Variants in CD96 observed in about 807,000 individuals in gnomAD.
CD96 encodes CD96 molecule, also known as T-cell surface protein tactile.
In CD96, 70 loss-of-function variants were observed where a neutral mutation model predicts 71.3. The ratio of observed to expected loss-of-function variants is 0.98; its 90% CI spans 0.81 to 1.20. The LOEUF is 1.20. CD96 is among the 50% of genes most tolerant of loss of function. CD96 has a pLI of 0.00. For synonymous variants in CD96, 248 were observed against 233.0 expected, an observed-to-expected ratio of 1.06 and a Z score of -0.59; for missense variants, 742 against 677.5, an observed-to-expected ratio of 1.10 and a Z score of -1.06.
chr3:111,569,173 G>T (rs1935858087), intron 3 of CD96, among the ~76,000 whole-genome samples: 1 of 152,078 alleles, frequency 6.6e-6, no homozygotes, highest in African/African-American at 2.4e-5. Context: ...ATTTCCTTGG[G>T]TTTGTGCCAA....
At chr3:111,610,909 A>C (rs1428857073) in intron 8 of CD96, among the ~76,000 whole-genome samples, 1 of 152,224 alleles carries the variant, frequency 6.6e-6, no homozygotes, top group Non-Finnish European at 1.5e-5. Context: ...CAAGACACTT[A>C]TTCATGAAAC....
intron 3 of CD96, among the ~76,000 whole-genome samples, chr3:111,572,401 C>A (rs1331574511): frequency 6.6e-6 from 1 of 152,236 alleles, no homozygotes; most frequent in South Asian, 2.1e-4. Flanking sequence ...ACTGGTGCCA[C>A]TGGCAACACT....
chr3:111,621,392 T>C (rs1938512481), intron 8 of CD96, among the ~76,000 whole-genome samples: 2 of 152,226 alleles, frequency 1.3e-5, no homozygotes, highest in African/African-American at 4.8e-5. Context: ...ACCATCTTTA[T>C]TCATTAGGAA....
Position 111,650,095 on chromosome 3 carries a change from C to T in CD96, c.*289C>T. On this transcript the variant is annotated 3_prime_UTR_variant, in exon 14 of 14. Transcript: ENST00000352690. ...AGTCTGCCATCTTTAAAAAAAAATA[C>T]AGTATTTTCATTTAAATTCTCTGAT... 2.5e-6 allele frequency: 1 copy of T among 397,548 alleles called. No homozygotes were observed. Among genetic ancestry groups the T allele is most frequent in the Admixed American group, 3.6e-5 (1 of 27,600 alleles). The allele number at this position is 397,548 out of a possible 1,614,324, so 24.6% of individuals were successfully genotyped here.
intron 2 of CD96, among the ~76,000 whole-genome samples, chr3:111,557,561 C>G (rs1226630830): frequency 2.4e-5 from 3 of 126,038 alleles, no homozygotes; most frequent in Non-Finnish European, 3.3e-5. Context: ...TTCCATTGAT[C>G]TATATCTCTG....
At chr3:111,565,723 G>A (rs1275712572) in intron 2 of CD96, among the ~76,000 whole-genome samples, 1 of 151,522 alleles carries the variant, frequency 6.6e-6, no homozygotes. Context: ...TTATGGGCTT[G>A]GAGTACTATT....
chr3:111,560,154 C>T (rs532751282), intron 2 of CD96, among the ~76,000 whole-genome samples: 38 of 151,610 alleles, frequency 2.5e-4, no homozygotes, highest in African/African-American at 8.2e-4. Context: ...GGTCTTGACT[C>T]TTTATCCAAT....
At chr3:111,657,288 T>G (rs962803215), downstream of CD96, among the ~76,000 whole-genome samples, 2 of 151,932 alleles carry the variant, frequency 1.3e-5, no homozygotes, top group Non-Finnish European at 2.9e-5. Flanking sequence ...CATGGTGGCA[T>G]GTGCCTGTAG....
intron 8 of CD96, chr3:111,607,003 G>C: frequency 1.6e-6 from 1 of 611,734 alleles, no homozygotes; most frequent in Admixed American, 2.4e-5. Flanking sequence ...TTTTTAGTAT[G>C]TTCACAGACT....
chr3:111,555,859 C>T (rs1348866627), intron 2 of CD96, among the ~76,000 whole-genome samples: 2 of 152,308 alleles, frequency 1.3e-5, no homozygotes, highest in African/African-American at 4.8e-5. Flanking sequence ...GATCCATCCC[C>T]TTACTCTTTC....
intron 6 of CD96, among the ~76,000 whole-genome samples, chr3:111,598,580 A>T (rs1019029889): frequency 1.3e-5 from 2 of 152,222 alleles, no homozygotes; most frequent in African/African-American, 2.4e-5. Flanking sequence ...TTCTTATTTC[A>T]ATACAATATG....
At chr3:111,624,911 T>C (rs1411947730) in intron 10 of CD96, among the ~76,000 whole-genome samples, 1 of 152,252 alleles carries the variant, frequency 6.6e-6, no homozygotes, top group Non-Finnish European at 1.5e-5. Context: ...AGTCTGTAAG[T>C]GCTGCTTTAG....
chr3:111,620,967 C>T (rs182203169), intron 8 of CD96, among the ~76,000 whole-genome samples: 77 of 152,318 alleles, frequency 5.1e-4, no homozygotes, highest in African/African-American at 1.8e-3. Context: ...AACATTTAAT[C>T]AGTCATTTTA....
chr3:111,561,929 C>T (rs1321560048), intron 2 of CD96, among the ~76,000 whole-genome samples: 2 of 150,946 alleles, frequency 1.3e-5, no homozygotes, highest in Non-Finnish European at 3.0e-5. Flanking sequence ...TTTTTTAAGC[C>T]GGTCTGAAAA....
At chr3:111,603,232 A>C (rs569885177) in intron 7 of CD96, among the ~76,000 whole-genome samples, 1 of 152,218 alleles carries the variant, frequency 6.6e-6, no homozygotes, top group Non-Finnish European at 1.5e-5. Flanking sequence ...GCTTAAGTGC[A>C]GAAGTTCAAG....
chr3:111,585,464 A>G, intron 5 of CD96, 86 bp downstream of exon 5: 1 of 859,348 alleles, frequency 1.2e-6, no homozygotes, highest in East Asian at 2.5e-5. Context: ...GTTCTCTCAA[A>G]GAACTTTACT....
chr3:111,598,072 C>T (rs763150292), intron 5 of CD96, 48 bp from the exon 6 acceptor site: 40 of 828,028 alleles, frequency 4.8e-5, no homozygotes, highest in Non-Finnish European at 6.2e-5. Flanking sequence ...TAAGGAGTAC[C>T]AGTTTCTTAG....
intron 2 of CD96, among the ~76,000 whole-genome samples, chr3:111,547,682 T>C (rs527493818): frequency 1.3e-5 from 2 of 152,264 alleles, no homozygotes. Flanking sequence ...TGCAGGTCAC[T>C]GGAGAGGCAG....
intron 2 of CD96, among the ~76,000 whole-genome samples, chr3:111,545,829 A>G (rs1421081684): frequency 6.6e-6 from 1 of 152,186 alleles, no homozygotes; most frequent in Non-Finnish European, 1.5e-5. Flanking sequence ...CCAGTGGGAC[A>G]GCAATACAGC....
Sources: allele counts gnomAD v4.1 joint callset (sites outside exome capture counted in the v4.1 genomes callset), GRCh38; gene constraint gnomAD v4.1.1; transcripts MANE v1.5; gene names NCBI Gene and HGNC (gene_info 2026-07-23, HGNC 2026-07-21).